Variants in GNPTAB observed in about 807,000 individuals in gnomAD.
The protein encoded by GNPTAB is N-acetylglucosamine-1-phosphotransferase subunits alpha/beta.
GNPTAB carries 92 observed loss-of-function variants against 136.6 expected under a neutral mutation model. The ratio of observed to expected loss-of-function variants is 0.67; its 90% CI spans 0.57 to 0.80. The LOEUF (loss-of-function observed/expected upper bound fraction) is 0.80, where lower values mean the gene tolerates loss of function less well. GNPTAB is among the 30% of genes least tolerant of loss of function. The probability of loss-of-function intolerance (pLI) is 0.00; values close to 1 mark genes in which losing one functional copy is unlikely to be tolerated. For missense variants in GNPTAB, 1,343 were observed against 1,501.8 expected, an observed-to-expected ratio of 0.89 and a Z score of 1.75; for synonymous variants, 512 against 535.1, an observed-to-expected ratio of 0.96 and a Z score of 0.60.
chr12:101,760,152 G>A lies in GNPTAB; in HGVS notation c.3136-9C>T. On this transcript the variant is annotated splice_polypyrimidine_tract_variant and intron_variant, in intron 15 of 20. Coordinates refer to ENST00000299314, the MANE Select transcript of GNPTAB (RefSeq NM_024312.5). ...TCCAGACCTGTCAAATCCTAACAAA[G>A]AAAAAGATGATAAATCTGTTATGCG... The A allele has an allele frequency of 1.3e-6, 2 of 1,490,890 alleles. No individual in the cohort carries two copies. Among genetic ancestry groups the A allele is most frequent in the Non-Finnish European group, 1.9e-6 (2 of 1,068,704 alleles). 92.4% of individuals were successfully genotyped at this position (1,490,890 alleles called of 1,614,324 possible).
chr12:101,807,775 C>T (rs1363399353), intron 1 of GNPTAB, among the ~76,000 whole-genome samples: 1 of 152,030 alleles, frequency 6.6e-6, no homozygotes, highest in East Asian at 1.9e-4. Flanking sequence ...ACCAAAAATA[C>T]AAAAATTAGC....
At chr12:101,774,083 T>C (rs1688675840) in intron 7 of GNPTAB, among the ~76,000 whole-genome samples, 1 of 152,182 alleles carries the variant, frequency 6.6e-6, no homozygotes, top group Admixed American at 6.5e-5. Flanking sequence ...TAGAACAACA[T>C]GACTGATACA....
intron 1 of GNPTAB, among the ~76,000 whole-genome samples, chr12:101,812,986 GTT>G (rs56900181): frequency 2.6e-5 from 3 of 117,506 alleles, no homozygotes; most frequent in Admixed American, 8.7e-5. Flanking sequence ...TTTTGTGTGT[GTT>G]TTTTTTTTTT....
At chr12:101,785,312 C>T (rs1868566521) in intron 5 of GNPTAB, among the ~76,000 whole-genome samples, 1 of 152,228 alleles carries the variant, frequency 6.6e-6, no homozygotes. Context: ...AAGTGATCCT[C>T]CTGCCTTAGC....
chr12:101,802,712 G>C lies in GNPTAB; in HGVS notation c.118-5950C>G, dbSNP rs180774183. 6.7e-4 allele frequency among the ~76,000 whole-genome samples: 102 copies of C among 152,232 alleles called. 1 individual carries two copies. The highest frequency in any genetic ancestry group is 5.7e-4 in the Non-Finnish European group (39 of 68,008). ...CCAGGCTGTATTTAAAGAAAATGTT[G>C]AATCTACTCAAGTAGCCTTTTATTC... On this transcript the variant is annotated intron_variant, in intron 1 of 20. Coordinates refer to ENST00000299314, the MANE Select transcript of GNPTAB (RefSeq NM_024312.5).
At chr12:101,770,283 A>G in intron 9 of GNPTAB, 92 bp from the exon 10 acceptor site, 1 of 1,434,304 alleles carries the variant, frequency 7.0e-7, no homozygotes, top group Non-Finnish European at 9.8e-7. Context: ...GGCAATGAAG[A>G]GCTAGAGAAA....
chr12:101,830,595 G>C lies in GNPTAB; in HGVS notation c.81C>G (p.Val27=), dbSNP rs1594269890. 1 of 1,612,926 alleles carries C rather than the reference G, an allele frequency of 6.2e-7. No homozygotes were observed. Among genetic ancestry groups the C allele is most frequent in the East Asian group, 2.2e-5 (1 of 44,840 alleles). Residue 27 remains valine, a synonymous_variant, in exon 1 of 21, where the codon GTC becomes GTG. Coordinates refer to ENST00000299314, the MANE Select transcript of GNPTAB (RefSeq NM_024312.5). ...GGAAGGCGGAGACGATGGTGACAAC[G>C]ACGCCCAAGAAGCACACGTAGAGCC... The part of the protein sequence containing the change: ...RYGLYVCFLG[V]VVTIVSAFQF...
In GNPTAB at chr12:101,801,397, G is replaced by A. The variant is rs1035854143; in HGVS notation, c.118-4635C>T. On this transcript the variant is annotated intron_variant, in intron 1 of 20. Coordinates refer to ENST00000299314, the MANE Select transcript of GNPTAB (RefSeq NM_024312.5). Reference sequence around the variant, plus strand: ...TCTCTACAACTCCAAAAAATTAGCCGGGTGTGGTGGGATGTGCCTGTAGTC... The same window carrying A: ...TCTCTACAACTCCAAAAAATTAGCCAGGTGTGGTGGGATGTGCCTGTAGTC... Among the ~76,000 whole-genome samples the A allele has an allele frequency of 8.6e-5, 13 of 151,000 alleles. No individual in the cohort carries two copies. The South Asian group carries it at 1.0e-3, about 12-fold the overall frequency.
chr12:101,809,058 A>C (rs1207224199), intron 1 of GNPTAB, among the ~76,000 whole-genome samples: 1 of 152,254 alleles, frequency 6.6e-6, no homozygotes, highest in Non-Finnish European at 1.5e-5. Flanking sequence ...ACTGGTATCC[A>C]AAATATACAA....
intron 2 of GNPTAB, among the ~76,000 whole-genome samples, chr12:101,790,312 T>C (rs751735451): frequency 6.6e-6 from 1 of 152,234 alleles, no homozygotes; most frequent in Non-Finnish European, 1.5e-5. Flanking sequence ...ACAGCCACTC[T>C]GTAAGAAGGC....
chr12:101,826,409 A>G (rs1207731024), intron 1 of GNPTAB, among the ~76,000 whole-genome samples: 5 of 152,108 alleles, frequency 3.3e-5, no homozygotes, highest in Admixed American at 2.6e-4. Flanking sequence ...ACCCTCTATT[A>G]GTAATCCTGA....
intron 1 of GNPTAB, among the ~76,000 whole-genome samples, chr12:101,798,862 T>G (rs886219225): frequency 1.3e-5 from 2 of 152,208 alleles, no homozygotes; most frequent in African/African-American, 4.8e-5. Context: ...TACCGTAAAC[T>G]GCGAAGAACA....
chr12:101,759,403 C>T (rs1325116949), intron 16 of GNPTAB, among the ~76,000 whole-genome samples: 6 of 143,856 alleles, frequency 4.2e-5, no homozygotes, highest in Non-Finnish European at 9.1e-5. Flanking sequence ...TGAAAAAGAG[C>T]CCTGAAAATA....
chr12:101,795,209 C>T (rs1245683766), intron 2 of GNPTAB, among the ~76,000 whole-genome samples: 8 of 152,140 alleles, frequency 5.3e-5, no homozygotes, highest in Non-Finnish European at 7.3e-5. Flanking sequence ...ATTCTCAGAA[C>T]CCCTCTGAAA....
intron 1 of GNPTAB, among the ~76,000 whole-genome samples, chr12:101,806,514 T>G (rs1021921028): frequency 6.6e-6 from 1 of 152,224 alleles, no homozygotes; most frequent in Non-Finnish European, 1.5e-5. Flanking sequence ...TATATGTAAC[T>G]AATGCCACTG....
chr12:101,770,263 AG>A, intron 9 of GNPTAB, 72 bp from the exon 10 acceptor site: 4 of 1,510,100 alleles, frequency 2.6e-6, no homozygotes. Flanking sequence ...TTTGAAAGGA[AG>A]GAAGGGAAGG....
At chr12:101,780,767 G>A (rs752013893) in intron 5 of GNPTAB, 146 bp from the exon 6 acceptor site, 48 of 681,758 alleles carry the variant, frequency 7.0e-5, no homozygotes, top group Admixed American at 2.2e-4. Flanking sequence ...GACAAAATTA[G>A]CCCATTCAAC....
chr12:101,755,678 G>A (rs1307688664), intron 18 of GNPTAB, among the ~76,000 whole-genome samples: 1 of 152,192 alleles, frequency 6.6e-6, no homozygotes, highest in African/African-American at 2.4e-5. Flanking sequence ...TGTCCTTAAA[G>A]CTGAAGTCAG....
chr12:101,804,332 A>T (rs1869816488), intron 1 of GNPTAB, among the ~76,000 whole-genome samples: 1 of 152,140 alleles, frequency 6.6e-6, no homozygotes, highest in Non-Finnish European at 1.5e-5. Context: ...TAAAAGGAAA[A>T]GAGAGAAAGA....
Sources: gnomAD v4.1 joint callset for allele counts (sites outside exome capture counted in the v4.1 genomes callset) on GRCh38, gnomAD v4.1.1 for gene constraint, MANE v1.5 for transcripts, NCBI Gene and HGNC (gene_info 2026-07-23, HGNC 2026-07-21) for gene names.